The following MLLT6 variants were observed in gnomAD, a reference collection of about 807,000 sequenced individuals.
MLLT6 encodes MLLT6, PHD finger containing.
Under a neutral mutation model 103.0 loss-of-function variants are expected in MLLT6, and 22 were observed. That is an observed-to-expected ratio of 0.21 (90% CI 0.15 to 0.31). The LOEUF (loss-of-function observed/expected upper bound fraction) is 0.31. Ranked by LOEUF, MLLT6 falls within the 10% of genes least tolerant of loss-of-function variation. MLLT6 has a pLI of 1.00. For synonymous variants in MLLT6, 606 were observed against 623.5 expected (o/e 0.97, Z 0.42); for missense variants, 1,199 against 1,441.7 (o/e 0.83, Z 2.73).
chr17:38,715,558 A>T (rs1013476142), intron 8 of MLLT6, 54 bp from the exon 9 acceptor site: 6 of 1,544,670 alleles, frequency 3.9e-6, no homozygotes, highest in Middle Eastern at 2.4e-4. Flanking sequence ...CCACATCAGG[A>T]TCAGCACAGG....
intron 7 of MLLT6, 149 bp from the exon 8 acceptor site, chr17:38,712,542 C>G: frequency 1.6e-6 from 1 of 623,756 alleles, no homozygotes; most frequent in East Asian, 2.8e-5. Context: ...TCGCTCCTGC[C>G]CAGCCCATTA....
rs531317622 is a variant in MLLT6 at position 38,715,041 on chromosome 17, A to G, written c.820-571A>G. ...CAAGCTGGATTTTAAAGGATGAGAG[A>G]TTTCCCAGGAAGAGTAAGGATAGGC... On this transcript the variant is annotated intron_variant, in intron 8 of 19. Transcript: ENST00000621332. Among the ~76,000 whole-genome samples the G allele has an allele frequency of 4.6e-5, 7 of 152,240 alleles. No individual in the cohort carries two copies. The South Asian group carries it at 1.5e-3, about 32-fold the overall frequency.
rs1052953429 is a variant in MLLT6 at position 38,722,045 on chromosome 17, C to T, written c.2610C>T (p.Pro870=). The T allele has an allele frequency of 6.7e-5, 95 of 1,407,680 alleles. No homozygotes were observed. Among genetic ancestry groups the T allele is most frequent in the African/African-American group, 4.7e-4 (31 of 66,502 alleles). The allele number at this position is 1,407,680 out of a possible 1,614,324, so 87.2% of individuals were successfully genotyped here. Residue 870 remains proline (P), a synonymous_variant, in exon 17 of 20, where the codon CCC becomes CCT. Transcript: ENST00000621332. The part of the protein sequence containing the change: ...PQPQNGLGRA[P]GAAGLGAMPM... Reference sequence around the variant, plus strand: ...CGCAGAACGGGTTGGGCCGGGCACCCGGGGCAGCGGGGCTGGGGGCCATGC... The same window carrying T: ...CGCAGAACGGGTTGGGCCGGGCACCTGGGGCAGCGGGGCTGGGGGCCATGC...
chr17:38,706,931 C>T lies in MLLT6; in HGVS notation c.110-19C>T. ...ACTGGCTGACAGCTTTGCTCAGCGA[C>T]TGTCCTCCCCACCCTCAGCTTGCTA... On this transcript the variant is annotated intron_variant, in intron 1 of 19. Coordinates refer to ENST00000621332, the MANE Select transcript of MLLT6 (RefSeq NM_005937.4). 1 of 1,595,270 alleles carries T rather than the reference C, an allele frequency of 6.3e-7. No homozygotes were observed. Among genetic ancestry groups the T allele is most frequent in the South Asian group, 1.1e-5 (1 of 90,108 alleles).
In MLLT6 at chr17:38,709,595, G is replaced by T. The variant is rs371590988; in HGVS notation, c.552+20G>T. The T allele has an allele frequency of 6.3e-7, 1 of 1,582,136 alleles. No homozygotes were observed. The highest frequency in any genetic ancestry group is 8.7e-7 in the Non-Finnish European group (1 of 1,151,522). On this transcript the variant is annotated intron_variant, in intron 6 of 19. Coordinates refer to ENST00000621332, the MANE Select transcript of MLLT6 (RefSeq NM_005937.4). This position sits in a 1 kb window ranked among gnomAD's most constrained non-coding sequence, Gnocchi z 4.3. ...AAGATGGTGAGTCCTGGCGACCAGC[G>T]CATGAGCGGGTCAGTCAGCTGTGGT...
At position 38,717,357 on chromosome 17, in the gene MLLT6, C is replaced by T. The variant is rs1905399799; in HGVS notation, c.1652-75C>T. ...GGGGAGCACTCGAGCTGGGGAGGGG[C>T]TGTCAGCCACCTGGCTGAGCAGGAG... On this transcript the variant is annotated intron_variant, in intron 10 of 19. Transcript: ENST00000621332. The T allele has an allele frequency of 4.9e-6, 6 of 1,234,804 alleles. No homozygotes were observed. The South Asian group carries it at 7.3e-5, about 15-fold the overall frequency. 76.5% of individuals were successfully genotyped at this position (1,234,804 alleles called of 1,614,324 possible).
rs933608592 is a variant in MLLT6 at position 38,716,909 on chromosome 17, C to T, written c.1579C>T (p.Leu527=). ...CCTGGTCAGCTCCGGCCTGGGAGGTCTGTCCTCCCGAACCTTTGGGCCTTC... is the reference window on the plus strand; with the variant it reads ...CCTGGTCAGCTCCGGCCTGGGAGGTTTGTCCTCCCGAACCTTTGGGCCTTC... ...GSLVSSGLGG[L]SSRTFGPSGS... is the part of the protein sequence containing the mutation. Residue 527 remains leucine (L), a synonymous_variant, in exon 10 of 20, where the codon CTG becomes TTG. Coordinates refer to ENST00000621332, the MANE Select transcript of MLLT6 (RefSeq NM_005937.4). This position sits in a 1 kb window ranked among gnomAD's most constrained non-coding sequence, Gnocchi z 5.6. The T allele has an allele frequency of 1.1e-5, 18 of 1,613,818 alleles. No homozygotes were observed. Among genetic ancestry groups the T allele is most frequent in the Non-Finnish European group, 1.5e-5 (18 of 1,179,928 alleles).
chr17:38,706,734 C>A, intron 1 of MLLT6: 1 of 421,558 alleles, frequency 2.4e-6, no homozygotes. Flanking sequence ...AAGACTCAGA[C>A]TTCCCGCCCT....
At chr17:38,722,265 G>A (rs1051583927) in intron 17 of MLLT6, 38 bp downstream of exon 17, 4 of 1,339,378 alleles carry the variant, frequency 3.0e-6, no homozygotes, top group African/African-American at 3.0e-5. Flanking sequence ...GGAACAGGGT[G>A]GGGGGCTGGC....
At position 38,705,575 on chromosome 17, in the gene MLLT6, A is replaced by AGGCCC; in HGVS notation, c.-58_-57insGGCCC. 1 of 243,262 alleles carries AGGCCC rather than the reference A, an allele frequency of 4.1e-6. No homozygotes were observed. The highest frequency in any genetic ancestry group is 8.4e-6 in the Non-Finnish European group (1 of 119,076). 15.1% of individuals were successfully genotyped at this position (243,262 alleles called of 1,614,324 possible). On this transcript the variant is annotated 5_prime_UTR_variant, in exon 1 of 20. Coordinates refer to ENST00000621332, the MANE Select transcript of MLLT6 (RefSeq NM_005937.4). ...CCCCCCGCTCCCTCCCTCCCCCCTG[A>AGGCCC]CCCCCGACCCCCGCCGGCCGGCCCC...
intron 14 of MLLT6, 52 bp from the exon 15 acceptor site, chr17:38,720,320 G>GCC: frequency 1.4e-6 from 1 of 735,418 alleles, no homozygotes; most frequent in Non-Finnish European, 2.2e-6. Context: ...CGGTCCCCTG[G>GCC]CCCCGCCTCC....
intron 9 of MLLT6, 48 bp downstream of exon 9, chr17:38,715,876 G>A (rs758111103): frequency 6.7e-7 from 1 of 1,497,712 alleles, no homozygotes; most frequent in South Asian, 1.2e-5. Flanking sequence ...AAAGCCTTTT[G>A]TCCTGAGCTT....
At chr17:38,706,710 G>A (rs1167124356) in intron 1 of MLLT6, 2 of 390,326 alleles carry the variant, frequency 5.1e-6, no homozygotes, top group African/African-American at 2.1e-5. Context: ...GGATCTTCTA[G>A]AAGTTTAAGG....
intron 12 of MLLT6, chr17:38,718,935 T>C (rs546215380): frequency 9.8e-4 from 156 of 158,502 alleles, no homozygotes; most frequent in Non-Finnish European, 1.6e-3. Flanking sequence ...TAGGGTGATA[T>C]ATTTGTTAAA....
chr17:38,711,504 G>A (rs969910639), intron 6 of MLLT6, among the ~76,000 whole-genome samples: 14 of 152,124 alleles, frequency 9.2e-5, no homozygotes, highest in Non-Finnish European at 1.8e-4. Flanking sequence ...GTAGAAACGG[G>A]CCGTGGCTCA....
Position 38,709,041 on chromosome 17 carries a change from A to G in MLLT6, c.355-132A>G. 1 of 709,032 alleles carries G rather than the reference A, an allele frequency of 1.4e-6. No homozygotes were observed. The highest frequency in any genetic ancestry group is 2.4e-6 in the Non-Finnish European group (1 of 414,072). The allele number at this position is 709,032 out of a possible 1,614,324, so 43.9% of individuals were successfully genotyped here. A position where few individuals can be genotyped will look rare whatever the true frequency, so the allele number is the denominator to read the frequency against. On this transcript the variant is annotated intron_variant, in intron 4 of 19. Coordinates refer to ENST00000621332, the MANE Select transcript of MLLT6 (RefSeq NM_005937.4). This position sits in a 1 kb window ranked among gnomAD's most constrained non-coding sequence, Gnocchi z 4.3. ...GCGCAGACCATAGAGCGTTTTCATC[A>G]CTGCAGACAGTTCTGTGGGATAGCA...
At chr17:38,708,225 C>T (rs772486725) in intron 4 of MLLT6, 1 of 262,332 alleles carries the variant, frequency 3.8e-6, no homozygotes, top group Non-Finnish European at 7.2e-6. Flanking sequence ...GTGTGCTGCC[C>T]GCTCAATGGA....
chr17:38,709,970 C>T lies in MLLT6; in HGVS notation c.552+395C>T, dbSNP rs1936074044. The stretch of plus-strand genomic sequence containing the variant: ...TATTTTGTGTGGTCCCCCCACCAAC[C>T]CTAAGAACTAGGTGTGCTATATTTT... On this transcript the variant is annotated intron_variant, in intron 6 of 19. Transcript: ENST00000621332. The surrounding 1 kb of genome is among the most constrained non-coding windows in gnomAD (Gnocchi z 4.3). 6.6e-6 allele frequency among the ~76,000 whole-genome samples: 1 copy of T among 152,192 alleles called. No individual in the cohort carries two copies. Among genetic ancestry groups the T allele is most frequent in the African/African-American group, 2.4e-5 (1 of 41,436 alleles).
Position 38,724,510 on chromosome 17 carries a change from G to A in MLLT6, c.2884-110G>A. 7.8e-6 allele frequency: 6 copies of A among 767,940 alleles called. No homozygotes were observed. Among genetic ancestry groups the A allele is most frequent in the Non-Finnish European group, 1.3e-5 (6 of 477,252 alleles). The allele number at this position is 767,940 out of a possible 1,614,324, so 47.6% of individuals were successfully genotyped here. On this transcript the variant is annotated intron_variant, in intron 18 of 19. Transcript: ENST00000621332. The surrounding 1 kb of genome is among the most constrained non-coding windows in gnomAD (Gnocchi z 5.4). ...ACCTTGACTGTCTCACAGGCCTCTTGCCTCCTGATTCCAGTGTGATGGGGT... is the reference window on the plus strand; with the variant it reads ...ACCTTGACTGTCTCACAGGCCTCTTACCTCCTGATTCCAGTGTGATGGGGT...
Sources: allele counts gnomAD v4.1 joint callset (sites outside exome capture counted in the v4.1 genomes callset), GRCh38; gene constraint gnomAD v4.1.1; non-coding constraint Gnocchi (gnomAD v3.1); transcripts MANE v1.5; gene names NCBI Gene and HGNC (gene_info 2026-07-23, HGNC 2026-07-21).